The following CA10 variants were observed in gnomAD, a reference collection of about 807,000 sequenced individuals.
CA10 encodes the protein carbonic anhydrase 10 (inactive), also known as carbonic anhydrase-related protein 10.
In CA10, 14 loss-of-function variants were observed where a neutral mutation model predicts 44.2. The observed-to-expected ratio is 0.32, with a 90% CI of 0.21 to 0.50. The LOEUF is 0.50. Among genes scored for constraint, CA10 ranks in the 20% least tolerant of loss-of-function variants. CA10 has a pLI of 0.99. For missense variants in CA10, 350 were observed against 409.7 expected, an observed-to-expected ratio of 0.85 and a Z score of 1.26; for synonymous variants, 159 against 141.6, an observed-to-expected ratio of 1.12 and a Z score of -0.87.
intron 3 of CA10, among the ~76,000 whole-genome samples, chr17:51,926,051 T>C (rs558845134): frequency 2.0e-5 from 3 of 152,238 alleles, no homozygotes; most frequent in African/African-American, 7.2e-5. Context: ...ATGTACTCAA[T>C]GTCACTGAAC....
intron 3 of CA10, among the ~76,000 whole-genome samples, chr17:51,785,549 A>G (rs1027513066): frequency 2.6e-5 from 4 of 152,192 alleles, no homozygotes; most frequent in Admixed American, 1.3e-4. Context: ...GAGAAAAGGG[A>G]ACCCTGGTAC....
chr17:51,831,684 G>GCAGCAGCAGCAGCAGCAT, intron 3 of CA10, among the ~76,000 whole-genome samples: 1 of 57,444 alleles, frequency 1.7e-5, no homozygotes, highest in Middle Eastern at 7.6e-3. Context: ...AGCAGCAGCA[G>GCAGCAGCAGCAGCAGCAT]CAGCAGCAGC....
chr17:52,075,640 CCTTTAGTTGTTGCTAATTGCCA>C (rs1351578933), intron 1 of CA10, among the ~76,000 whole-genome samples: 5 of 152,078 alleles, frequency 3.3e-5, no homozygotes, highest in Non-Finnish European at 4.4e-5. Flanking sequence ...TCTCTGTCCC[CCTTTAGTTGTTGCTAATTGCCA>C]CTCTTTCATT....
Position 52,123,773 on chromosome 17 carries a change from T to C in CA10, c.61+33953A>G, listed in dbSNP as rs148026235. Among the ~76,000 whole-genome samples the C allele has an allele frequency of 3.2e-3, 491 of 152,328 alleles. 3 individuals carry two copies. The highest frequency in any genetic ancestry group is 0.011 in the African/African-American group (467 of 41,564). On this transcript the variant is annotated intron_variant, in intron 1 of 8. Coordinates refer to ENST00000451037, the MANE Select transcript of CA10 (RefSeq NM_020178.5). ...GTTCTCCCTGGACAGACTCAATGCATATTTATTGAATAAATAAATGAATGA... is the reference window on the plus strand; with the variant it reads ...GTTCTCCCTGGACAGACTCAATGCACATTTATTGAATAAATAAATGAATGA...
intron 3 of CA10, among the ~76,000 whole-genome samples, chr17:51,803,677 A>G (rs1907022119): frequency 6.6e-6 from 1 of 152,216 alleles, no homozygotes; most frequent in South Asian, 2.1e-4. Flanking sequence ...TCTACGACTC[A>G]GTTTGCTAAT....
intron 8 of CA10, among the ~76,000 whole-genome samples, chr17:51,633,214 G>A (rs1912666761): frequency 6.6e-6 from 1 of 152,030 alleles, no homozygotes; most frequent in Non-Finnish European, 1.5e-5. Context: ...TCTACACCTT[G>A]CCATCTACCT....
chr17:52,026,894 T>C lies in CA10; in HGVS notation c.136+45425A>G, dbSNP rs1986320154. 3.3e-5 allele frequency among the ~76,000 whole-genome samples: 5 copies of C among 152,186 alleles called. No individual in the cohort carries two copies. The South Asian group carries it at 1.0e-3, about 32-fold the overall frequency. ...ACATTTCTGGCACGAGGAACCAGTTTTGTGGAAGACAATATTTCTGTGGAC... is the reference window on the plus strand; with the variant it reads ...ACATTTCTGGCACGAGGAACCAGTTCTGTGGAAGACAATATTTCTGTGGAC... On this transcript the variant is annotated intron_variant, in intron 2 of 8. Transcript: ENST00000451037.
chr17:51,946,486 G>A (rs941400173), intron 2 of CA10, among the ~76,000 whole-genome samples: 17 of 152,204 alleles, frequency 1.1e-4, no homozygotes, highest in African/African-American at 4.1e-4. Flanking sequence ...TTTGCTGTCT[G>A]GCAGCAATCC....
chr17:51,985,318 C>A (rs1257102779), intron 2 of CA10, among the ~76,000 whole-genome samples: 1 of 151,952 alleles, frequency 6.6e-6, no homozygotes, highest in Non-Finnish European at 1.5e-5. Flanking sequence ...TCCAGCACTC[C>A]ATTATGATTA....
intron 3 of CA10, among the ~76,000 whole-genome samples, chr17:51,804,375 C>T (rs557640847): frequency 3.3e-5 from 5 of 152,296 alleles, no homozygotes; most frequent in Admixed American, 6.5e-5. Context: ...GAATGCTGCT[C>T]GCTTACTGAG....
At chr17:51,688,158 A>G (rs1184883581) in intron 4 of CA10, among the ~76,000 whole-genome samples, 2 of 152,130 alleles carry the variant, frequency 1.3e-5, no homozygotes, top group East Asian at 3.8e-4. Flanking sequence ...GCACTGATTC[A>G]CCACCCATAT....
intron 1 of CA10, among the ~76,000 whole-genome samples, chr17:52,085,294 G>A (rs1355708286): frequency 6.6e-6 from 1 of 152,120 alleles, no homozygotes; most frequent in African/African-American, 2.4e-5. Flanking sequence ...CCTAATAACT[G>A]GACTCCTATG....
intron 3 of CA10, among the ~76,000 whole-genome samples, chr17:51,898,907 C>T (rs985686521): frequency 6.6e-6 from 1 of 151,128 alleles, no homozygotes; most frequent in Non-Finnish European, 1.5e-5. Context: ...GTCCCCTTTG[C>T]CATTTCTGGT....
At chr17:51,763,950 C>A (rs1488209257) in intron 3 of CA10, among the ~76,000 whole-genome samples, 1 of 151,698 alleles carries the variant, frequency 6.6e-6, no homozygotes, top group Non-Finnish European at 1.5e-5. Context: ...CCAACTTAAG[C>A]CCTTATTTTA....
intron 3 of CA10, among the ~76,000 whole-genome samples, chr17:51,834,718 G>A (rs1423129177): frequency 1.3e-5 from 2 of 152,174 alleles, no homozygotes; most frequent in African/African-American, 4.8e-5. Context: ...CACTTACTGT[G>A]AGTCCTTGAG....
At chr17:51,882,025 T>C (rs1353307507) in intron 3 of CA10, among the ~76,000 whole-genome samples, 4 of 143,172 alleles carry the variant, frequency 2.8e-5, no homozygotes. Context: ...GGTTCATCAA[T>C]AGCCCACAGT....
intron 3 of CA10, among the ~76,000 whole-genome samples, chr17:51,756,259 C>T (rs1462757674): frequency 1.3e-5 from 2 of 152,120 alleles, no homozygotes; most frequent in African/African-American, 4.8e-5. Context: ...CCTTATGCTG[C>T]CCAGGTGAGG....
intron 2 of CA10, among the ~76,000 whole-genome samples, chr17:52,019,916 ATATATG>A (rs1314413466): frequency 2.6e-5 from 4 of 151,876 alleles, no homozygotes; most frequent in African/African-American, 9.7e-5. Flanking sequence ...ATATACATAT[ATATATG>A]TATATGTATA....
At chr17:52,136,252 T>C (rs1989355543) in intron 1 of CA10, among the ~76,000 whole-genome samples, 1 of 152,168 alleles carries the variant, frequency 6.6e-6, no homozygotes, top group African/African-American at 2.4e-5. Context: ...GCAGACCCAG[T>C]AAGGCTGAAG....
Sources: gnomAD v4.1 joint callset for allele counts (sites outside exome capture counted in the v4.1 genomes callset) on GRCh38, gnomAD v4.1.1 for gene constraint, MANE v1.5 for transcripts, NCBI Gene and HGNC (gene_info 2026-07-23, HGNC 2026-07-21) for gene names.